HEXIM1: variants seen among roughly 807,000 people sequenced by gnomAD.
HEXIM1 encodes the protein protein HEXIM1.
In HEXIM1, 1 loss-of-function variant was observed where a neutral mutation model predicts 30.3. That is an observed-to-expected ratio of 0.03 (90% CI 0.01 to 0.16). The LOEUF is 0.16. Ranked by LOEUF, HEXIM1 falls within the 10% of genes least tolerant of loss-of-function variation. HEXIM1 has a pLI of 1.00. For missense variants in HEXIM1, 391 were observed against 476.4 expected, an observed-to-expected ratio of 0.82 and a Z score of 1.67; for synonymous variants, 245 against 208.3, an observed-to-expected ratio of 1.18 and a Z score of -1.52.
chr17:45,149,618 A>G lies in HEXIM1; in HGVS notation c.428A>G (p.Gln143Arg), dbSNP rs2055530705. 1.9e-6 allele frequency: 3 copies of G among 1,613,218 alleles called. No homozygotes were observed. Among genetic ancestry groups the G allele is most frequent in the Admixed American group, 1.7e-5 (1 of 59,898 alleles). The change falls in exon 1 of 1, where the codon CAG becomes CGG. Residue 143 changes from glutamine to arginine, a missense_variant. Gln to Arg is a conservative substitution (Grantham distance 43). Around this residue, in one of 5 missense-constraint regions of HEXIM1, gnomAD observed 230 missense variants for 199.4 expected, o/e 1.15. Coordinates refer to ENST00000332499, the MANE Select transcript of HEXIM1 (RefSeq NM_006460.3). The surrounding 1 kb of genome is among the most constrained non-coding windows in gnomAD (Gnocchi z 5.3). ...GCAGGGGGCGAAGAGGAGTGGGGAC[A>G]GCAGCAGAGACAGCTGGGGAAGAAA... ...PAAGGEEEWGQQQRQLGKKKH... is the reference protein window; with the variant it reads ...PAAGGEEEWGRQQRQLGKKKH...
chr17:45,148,972 CTG>C lies in HEXIM1; in HGVS notation c.-216_-215del. 1.9e-6 allele frequency: 1 copy of C among 528,870 alleles called. No individual in the cohort carries two copies. Among genetic ancestry groups the C allele is most frequent in the Non-Finnish European group, 3.3e-6 (1 of 304,336 alleles). The allele number at this position is 528,870 out of a possible 1,614,324, so 32.8% of individuals were successfully genotyped here. ...CCCTTGGACCCGCTAGCTGGCCGCA[CTG>C]TGGGCGCTTAACCCTTTACTGACTT... On this transcript the variant is annotated 5_prime_UTR_variant, in exon 1 of 1. Coordinates refer to ENST00000332499, the MANE Select transcript of HEXIM1 (RefSeq NM_006460.3).
chr17:45,148,504 A>C lies in HEXIM1; in HGVS notation c.-687A>C, dbSNP rs1388270471. ...GTTGGAAGTTGGCAGGTGGAGAGGCAGGTTGGGAGGGAAAGTCGGGGGAGG... is the reference window on the plus strand; with the variant it reads ...GTTGGAAGTTGGCAGGTGGAGAGGCCGGTTGGGAGGGAAAGTCGGGGGAGG... On this transcript the variant is annotated 5_prime_UTR_variant, in exon 1 of 1. Coordinates refer to ENST00000332499, the MANE Select transcript of HEXIM1 (RefSeq NM_006460.3). 5 of 341,522 alleles carry C rather than the reference A, an allele frequency of 1.5e-5. No individual in the cohort carries two copies. Among genetic ancestry groups the C allele is most frequent in the Non-Finnish European group, 2.6e-5 (5 of 193,522 alleles). 21.2% of individuals were successfully genotyped at this position (341,522 alleles called of 1,614,324 possible).
Position 45,149,864 on chromosome 17 carries a change from A to C in HEXIM1, c.674A>C (p.Tyr225Ser). The C allele has an allele frequency of 6.2e-7, 1 of 1,613,354 alleles. No individual in the cohort carries two copies. The highest frequency in any genetic ancestry group is 8.5e-7 in the Non-Finnish European group (1 of 1,179,942). ...QEEPDLKTGL[Y>S]SKRAAAKSDD... ...GAGCCGGATCTCAAAACCGGCCTGTACTCCAAGCGGGCCGCCGCCAAATCC... is the reference window on the plus strand; with the variant it reads ...GAGCCGGATCTCAAAACCGGCCTGTCCTCCAAGCGGGCCGCCGCCAAATCC... Residue 225 changes from tyrosine to serine, a missense_variant, in exon 1 of 1, where the codon TAC becomes TCC. Physicochemically the swap from Tyr to Ser is moderately radical, Grantham distance 144 (BLOSUM62 -2). Coordinates refer to ENST00000332499, the MANE Select transcript of HEXIM1 (RefSeq NM_006460.3). This position sits in a 1 kb window ranked among gnomAD's most constrained non-coding sequence, Gnocchi z 5.3.
chr17:45,149,973 G>A lies in HEXIM1; in HGVS notation c.783G>A (p.Glu261=), dbSNP rs769890801. ...GSDGMGGDGS[E]FLQRDFSETY... ...ATGGGATGGGAGGGGACGGCAGCGAGTTTCTGCAGCGGGACTTCTCGGAGA... is the reference window on the plus strand; with the variant it reads ...ATGGGATGGGAGGGGACGGCAGCGAATTTCTGCAGCGGGACTTCTCGGAGA... The change falls in exon 1 of 1, where the codon GAG becomes GAA. Residue 261 remains glutamate (E), a synonymous_variant. Coordinates refer to ENST00000332499, the MANE Select transcript of HEXIM1 (RefSeq NM_006460.3). The surrounding 1 kb of genome is among the most constrained non-coding windows in gnomAD (Gnocchi z 5.3). The A allele has an allele frequency of 3.7e-6, 6 of 1,614,110 alleles. No homozygotes were observed. Among genetic ancestry groups the A allele is most frequent in the Non-Finnish European group, 4.2e-6 (5 of 1,180,024 alleles).
Position 45,150,279 on chromosome 17 carries a change from T to G in HEXIM1, c.*9T>G, listed in dbSNP as rs1200325394. ...CCAAGTTTGGAGACTAGACTGAAAC[T>G]TTTTTGGGGGAGGGGGCAAAGGGGA... On this transcript the variant is annotated 3_prime_UTR_variant, in exon 1 of 1. Coordinates refer to ENST00000332499, the MANE Select transcript of HEXIM1 (RefSeq NM_006460.3). 6.2e-7 allele frequency: 1 copy of G among 1,603,112 alleles called. No homozygotes were observed. Among genetic ancestry groups the G allele is most frequent in the Non-Finnish European group, 8.5e-7 (1 of 1,172,926 alleles).
rs892302792 is a variant in HEXIM1, at chr17:45,149,080, G to A, written c.-111G>A. The A allele has an allele frequency of 2.5e-5, 27 of 1,095,350 alleles. No individual in the cohort carries two copies. Among genetic ancestry groups the A allele is most frequent in the Non-Finnish European group, 3.4e-5 (26 of 771,016 alleles). 67.9% of individuals were successfully genotyped at this position (1,095,350 alleles called of 1,614,324 possible). A position where few individuals can be genotyped will look rare whatever the true frequency, so the allele number is the denominator to read the frequency against. On this transcript the variant is annotated 5_prime_UTR_variant, in exon 1 of 1. Coordinates refer to ENST00000332499, the MANE Select transcript of HEXIM1 (RefSeq NM_006460.3). This position sits in a 1 kb window ranked among gnomAD's most constrained non-coding sequence, Gnocchi z 5.3. ...ACTGCAGGAATTACAAACTGAAGAG[G>A]ACTCTGTTGGACTGTTTTTTTTTTC...
rs774379395 is a variant in HEXIM1, at chr17:45,150,021, G to A, written c.831G>A (p.Glu277=). 6 of 1,614,092 alleles carry A rather than the reference G, an allele frequency of 3.7e-6. No individual in the cohort carries two copies. The highest frequency in any genetic ancestry group is 4.2e-6 in the Non-Finnish European group (5 of 1,180,032). The change falls in exon 1 of 1, where the codon GAG becomes GAA. Residue 277 remains glutamate, a synonymous_variant. Coordinates refer to ENST00000332499, the MANE Select transcript of HEXIM1 (RefSeq NM_006460.3). The part of the protein sequence containing the change: ...FSETYERYHT[E]SLQNMSKQEL... Reference sequence around the variant, plus strand: ...AGACGTACGAGCGGTACCACACGGAGAGCCTGCAGAACATGAGCAAGCAGG... The same window carrying A: ...AGACGTACGAGCGGTACCACACGGAAAGCCTGCAGAACATGAGCAAGCAGG...
Position 45,150,476 on chromosome 17 carries a change from C to G in HEXIM1, c.*206C>G. 1.8e-6 allele frequency: 1 copy of G among 545,046 alleles called. No individual in the cohort carries two copies. The highest frequency in any genetic ancestry group is 3.2e-6 in the Non-Finnish European group (1 of 313,730). The allele number at this position is 545,046 out of a possible 1,614,324, so 33.8% of individuals were successfully genotyped here. A position where few individuals can be genotyped will look rare whatever the true frequency, so the allele number is the denominator to read the frequency against. On this transcript the variant is annotated 3_prime_UTR_variant, in exon 1 of 1. Coordinates refer to ENST00000332499, the MANE Select transcript of HEXIM1 (RefSeq NM_006460.3). The stretch of plus-strand genomic sequence containing the variant: ...TTAATTATGTGAAACTGAAGAGTTG[C>G]TTTTCTTGTTTTCCTTTTTAGAAGT...
chr17:45,149,649 T>C lies in HEXIM1; in HGVS notation c.459T>C (p.His153=), dbSNP rs1425938214. ...AGAGACAGCTGGGGAAGAAAAAACA[T>C]AGGAGACGCCCGTCCAAGAAGAAGC... The part of the protein sequence containing the change: ...QQQRQLGKKK[H]RRRPSKKKRH... The change falls in exon 1 of 1, where the codon CAT becomes CAC. Residue 153 remains histidine, a synonymous_variant. Transcript: ENST00000332499. This position sits in a 1 kb window ranked among gnomAD's most constrained non-coding sequence, Gnocchi z 5.3. The C allele has an allele frequency of 2.5e-6, 4 of 1,612,168 alleles. No homozygotes were observed. The highest frequency in any genetic ancestry group is 2.7e-5 in the African/African-American group (2 of 74,620).
rs2055545779 is a variant in HEXIM1 at position 45,151,209 on chromosome 17, A to C, written c.*939A>C. 1 of 167,056 alleles carries C rather than the reference A, an allele frequency of 6.0e-6. No homozygotes were observed. The highest frequency in any genetic ancestry group is 2.4e-5 in the African/African-American group (1 of 41,434). 10.3% of individuals were successfully genotyped at this position (167,056 alleles called of 1,614,324 possible). Reference sequence around the variant, plus strand: ...TGTGAGGCAGCTCTTTAAGACGTTCAGAGGTAAGAAATACTGGATTTATAA... The same window carrying C: ...TGTGAGGCAGCTCTTTAAGACGTTCCGAGGTAAGAAATACTGGATTTATAA... On this transcript the variant is annotated 3_prime_UTR_variant, in exon 1 of 1. Transcript: ENST00000332499.
Position 45,149,111 on chromosome 17 carries a change from C to CTT in HEXIM1, c.-73_-72dup, listed in dbSNP as rs779309521. Reference sequence around the variant, plus strand: ...GTTGGACTGTTTTTTTTTTCTTTTTCTTTTTTTTAAGAAAAACCCATTTTT... The same window carrying CTT: ...GTTGGACTGTTTTTTTTTTCTTTTTCTTTTTTTTTTAAGAAAAACCCATTTTT... On this transcript the variant is annotated 5_prime_UTR_variant, in exon 1 of 1. Transcript: ENST00000332499. This position sits in a 1 kb window ranked among gnomAD's most constrained non-coding sequence, Gnocchi z 5.3. The CTT allele has an allele frequency of 4.8e-4, 450 of 935,430 alleles. 5 individuals carry two copies. The African/African-American group carries it at 6.4e-3, about 13-fold the overall frequency. The allele number at this position is 935,430 out of a possible 1,614,324, so 57.9% of individuals were successfully genotyped here. A position where few individuals can be genotyped will look rare whatever the true frequency, so the allele number is the denominator to read the frequency against.
chr17:45,150,178 G>C lies in HEXIM1; in HGVS notation c.988G>C (p.Asp330His). ...ARVRELELEL[D>H]RLRAENLQLL... The stretch of plus-strand genomic sequence containing the variant: ...TGTGCGGGAGCTGGAGCTGGAGCTG[G>C]ACCGGCTGCGCGCCGAGAACCTCCA... The change falls in exon 1 of 1, where the codon GAC (aspartate) becomes CAC (histidine). Residue 330 changes from aspartate to histidine, a missense_variant. Asp to His is a moderately conservative substitution (Grantham distance 81, BLOSUM62 -1). This residue lies in a region of HEXIM1 where 73 missense variants were observed against 80.9 expected (regional missense o/e 0.90). Coordinates refer to ENST00000332499, the MANE Select transcript of HEXIM1 (RefSeq NM_006460.3). The C allele has an allele frequency of 6.2e-7, 1 of 1,613,168 alleles. No individual in the cohort carries two copies.
Position 45,148,603 on chromosome 17 carries a change from G to C in HEXIM1, c.-588G>C, listed in dbSNP as rs1245475256. 1 of 399,570 alleles carries C rather than the reference G, an allele frequency of 2.5e-6. No individual in the cohort carries two copies. Among genetic ancestry groups the C allele is most frequent in the Non-Finnish European group, 4.4e-6 (1 of 226,596 alleles). 24.8% of individuals were successfully genotyped at this position (399,570 alleles called of 1,614,324 possible). ...GGAGGAGGCGGAGGAGAACTGAGCA[G>C]AGCAGAGCATCGAGCCAAAGGGGAG... is the stretch of plus-strand genomic sequence containing the variant. On this transcript the variant is annotated 5_prime_UTR_variant, in exon 1 of 1. Coordinates refer to ENST00000332499, the MANE Select transcript of HEXIM1 (RefSeq NM_006460.3).
At position 45,151,306 on chromosome 17, in the gene HEXIM1, C is replaced by CA. The variant is rs551529177; in HGVS notation, c.*1047dup. 4.7e-3 allele frequency: 701 copies of CA among 150,032 alleles called. 5 individuals are homozygous for CA. The highest frequency in any genetic ancestry group is 0.011 in the African/African-American group (419 of 38,180). The allele number at this position is 150,032 out of a possible 1,614,324, so 9.3% of individuals were successfully genotyped here. A position where few individuals can be genotyped will look rare whatever the true frequency, so the allele number is the denominator to read the frequency against. ...ATTCTACGTGCTCTCTATACCAAAA[C>CA]AAAAAAAAAAAGCTATCCACCTTTC... is the stretch of plus-strand genomic sequence containing the variant. On this transcript the variant is annotated 3_prime_UTR_variant, in exon 1 of 1. Coordinates refer to ENST00000332499, the MANE Select transcript of HEXIM1 (RefSeq NM_006460.3).
At position 45,148,830 on chromosome 17, in the gene HEXIM1, GT is replaced by G; in HGVS notation, c.-358del. On this transcript the variant is annotated 5_prime_UTR_variant, in exon 1 of 1. Coordinates refer to ENST00000332499, the MANE Select transcript of HEXIM1 (RefSeq NM_006460.3). The stretch of plus-strand genomic sequence containing the variant: ...GTAGTTTTAACCCCTTCGGGGCTGG[GT>G]TTCACGCACTGGACTTACCCTCATC... The G allele has an allele frequency of 2.5e-6, 1 of 406,686 alleles. No homozygotes were observed. The highest frequency in any genetic ancestry group is 4.3e-6 in the Non-Finnish European group (1 of 230,492). The allele number at this position is 406,686 out of a possible 1,614,324, so 25.2% of individuals were successfully genotyped here. A position where few individuals can be genotyped will look rare whatever the true frequency, so the allele number is the denominator to read the frequency against.
chr17:45,149,189 C>T lies in HEXIM1; in HGVS notation c.-2C>T. 1 of 1,608,854 alleles carries T rather than the reference C, an allele frequency of 6.2e-7. No individual in the cohort carries two copies. Among genetic ancestry groups the T allele is most frequent in the Non-Finnish European group, 8.5e-7 (1 of 1,177,458 alleles). On this transcript the variant is annotated 5_prime_UTR_variant, in exon 1 of 1. Transcript: ENST00000332499. The surrounding 1 kb of genome is among the most constrained non-coding windows in gnomAD (Gnocchi z 5.3). Reference sequence around the variant, plus strand: ...TCTTAAACTTCGAGGACTCTACTAGCCATGGCCGAGCCATTCTTGTCAGAA... The same window carrying T: ...TCTTAAACTTCGAGGACTCTACTAGTCATGGCCGAGCCATTCTTGTCAGAA...
At position 45,149,298 on chromosome 17, in the gene HEXIM1, G is replaced by A. The variant is rs147398972; in HGVS notation, c.108G>A (p.Ala36=). ...TGAACCCTGAGCGCCCCCCAGGCGC[G>A]GAGGAGCGGGTGCCCGAGGAGGACA... The part of the protein sequence containing the change: ...EELNPERPPG[A]EERVPEEDSR... The change falls in exon 1 of 1, where the codon GCG becomes GCA. Residue 36 remains alanine, a synonymous_variant. Transcript: ENST00000332499. This position sits in a 1 kb window ranked among gnomAD's most constrained non-coding sequence, Gnocchi z 5.3. 2.5e-6 allele frequency: 4 copies of A among 1,613,640 alleles called. No individual in the cohort carries two copies. The highest frequency in any genetic ancestry group is 1.3e-5 in the African/African-American group (1 of 74,928).
chr17:45,150,420 A>G lies in HEXIM1; in HGVS notation c.*150A>G, dbSNP rs1054376092. 2.1e-5 allele frequency: 17 copies of G among 816,936 alleles called. No individual in the cohort carries two copies. The highest frequency in any genetic ancestry group is 5.8e-5 in the South Asian group (3 of 51,634). 50.6% of individuals were successfully genotyped at this position (816,936 alleles called of 1,614,324 possible). Reference sequence around the variant, plus strand: ...TGGCTTTGGTTTCGTAAATTTAGCTATATGTAGCTTGCGTGCTTTCTCCTG... The same window carrying G: ...TGGCTTTGGTTTCGTAAATTTAGCTGTATGTAGCTTGCGTGCTTTCTCCTG... On this transcript the variant is annotated 3_prime_UTR_variant, in exon 1 of 1. Coordinates refer to ENST00000332499, the MANE Select transcript of HEXIM1 (RefSeq NM_006460.3).
Position 45,150,370 on chromosome 17 carries a change from C to T in HEXIM1, c.*100C>T. The T allele has an allele frequency of 7.1e-7, 1 of 1,402,522 alleles. No individual in the cohort carries two copies. The highest frequency in any genetic ancestry group is 9.6e-7 in the Non-Finnish European group (1 of 1,036,424). The allele number at this position is 1,402,522 out of a possible 1,614,324, so 86.9% of individuals were successfully genotyped here. On this transcript the variant is annotated 3_prime_UTR_variant, in exon 1 of 1. Transcript: ENST00000332499. ...TATAAGACAGTGGACCTTTTTATGACACATAATCAGAAGAGAAATCCCCCT... is the reference window on the plus strand; with the variant it reads ...TATAAGACAGTGGACCTTTTTATGATACATAATCAGAAGAGAAATCCCCCT...
Sources: allele counts gnomAD v4.1 joint callset, GRCh38; gene constraint gnomAD v4.1.1; regional missense constraint gnomAD v4.1.1; non-coding constraint Gnocchi (gnomAD v3.1); transcripts MANE v1.5; gene names NCBI Gene and HGNC (gene_info 2026-07-23, HGNC 2026-07-21).